Variants in FARP1 observed in about 807,000 individuals in gnomAD.
FARP1 encodes the protein FERM, ARHGEF and pleckstrin domain-containing protein 1.
In FARP1, 52 loss-of-function variants were observed where a neutral mutation model predicts 128.8. The observed-to-expected ratio is 0.40, with a 90% CI of 0.32 to 0.51. The LOEUF is 0.51. Ranked by LOEUF, FARP1 falls within the 20% of genes least tolerant of loss-of-function variation. The probability of loss-of-function intolerance (pLI) is 0.45; values close to 1 mark genes in which losing one functional copy is unlikely to be tolerated. For missense variants in FARP1, 1,333 were observed against 1,367.9 expected (o/e 0.97, Z 0.40); for synonymous variants, 580 against 551.8 (o/e 1.05, Z -0.72).
chr13:98,304,265 C>T (rs553014237), intron 2 of FARP1, among the ~76,000 whole-genome samples: 1 of 152,244 alleles, frequency 6.6e-6, no homozygotes, highest in East Asian at 1.9e-4. Flanking sequence ...GTAGGACTTC[C>T]AGCTGCTTAA....
chr13:98,416,871 G>A (rs1453455387), intron 16 of FARP1, among the ~76,000 whole-genome samples: 2 of 152,166 alleles, frequency 1.3e-5, no homozygotes, highest in Admixed American at 1.3e-4. Context: ...GCAGTCAGTC[G>A]TACAAAGAGG....
chr13:98,166,726 T>TTC (rs201164853), intron 1 of FARP1, among the ~76,000 whole-genome samples: 10 of 117,956 alleles, frequency 8.5e-5, no homozygotes, highest in African/African-American at 3.8e-4. Context: ...TTTTCTTTCT[T>TTC]TTTTTTTTTT....
intron 2 of FARP1, among the ~76,000 whole-genome samples, chr13:98,236,260 G>A (rs1215796356): frequency 6.6e-6 from 1 of 152,116 alleles, no homozygotes; most frequent in Admixed American, 6.6e-5. Flanking sequence ...GTGATTTTGT[G>A]AAGATATGGA....
intron 2 of FARP1, among the ~76,000 whole-genome samples, chr13:98,288,449 A>G (rs1885297656): frequency 6.6e-6 from 1 of 152,194 alleles, no homozygotes; most frequent in Non-Finnish European, 1.5e-5. Flanking sequence ...AGACTTCAGT[A>G]TGAGCCAAAG....
At chr13:98,270,495 A>AT (rs1464517676) in intron 2 of FARP1, among the ~76,000 whole-genome samples, 4 of 152,162 alleles carry the variant, frequency 2.6e-5, no homozygotes, top group Non-Finnish European at 5.9e-5. Context: ...GCCTCAGCGT[A>AT]TCTTCCTTGG....
At chr13:98,370,418 G>C (rs758999636) in intron 5 of FARP1, among the ~76,000 whole-genome samples, 6 of 152,152 alleles carry the variant, frequency 3.9e-5, no homozygotes, top group Non-Finnish European at 8.8e-5. Context: ...GTCACATGGT[G>C]ATGGCAAAGA....
chr13:98,308,579 C>T (rs1389701417), intron 2 of FARP1, among the ~76,000 whole-genome samples: 2 of 152,214 alleles, frequency 1.3e-5, no homozygotes, highest in Non-Finnish European at 2.9e-5. Context: ...TTGCCTGAGA[C>T]ACACTCAATT....
At chr13:98,212,801 T>A (rs1003066118) in intron 1 of FARP1, among the ~76,000 whole-genome samples, 7 of 152,204 alleles carry the variant, frequency 4.6e-5, no homozygotes, top group African/African-American at 1.4e-4. Flanking sequence ...TTTACCTGTT[T>A]ATCTTTAGAA....
intron 3 of FARP1, among the ~76,000 whole-genome samples, chr13:98,350,327 T>C (rs1888362488): frequency 2.0e-5 from 3 of 152,200 alleles, no homozygotes; most frequent in Admixed American, 1.3e-4. Context: ...ATAGATTTAA[T>C]ATTTGTATTG....
chr13:98,293,186 T>A (rs557871464), intron 2 of FARP1, among the ~76,000 whole-genome samples: 9 of 152,276 alleles, frequency 5.9e-5, no homozygotes, highest in African/African-American at 1.9e-4. Context: ...ATGGAATCAA[T>A]TGTTTTCTCT....
intron 1 of FARP1, among the ~76,000 whole-genome samples, chr13:98,175,381 C>A (rs1877930113): frequency 6.6e-6 from 1 of 152,116 alleles, no homozygotes; most frequent in African/African-American, 2.4e-5. Flanking sequence ...GGATATTCTT[C>A]TGTCAACTCC....
At chr13:98,178,031 G>A (rs1878223870) in intron 1 of FARP1, 1 of 151,956 alleles carries the variant, frequency 6.6e-6, no homozygotes, top group Non-Finnish European at 1.5e-5. Context: ...ATATCACACT[G>A]CACCTGTGGG....
At chr13:98,442,178 C>T (rs752863706) in intron 24 of FARP1, among the ~76,000 whole-genome samples, 14 of 152,216 alleles carry the variant, frequency 9.2e-5, no homozygotes, top group Non-Finnish European at 1.6e-4. Flanking sequence ...CCCTTCCAAA[C>T]GCAGAAAGGG....
rs185904224 is a variant in FARP1 at position 98,162,106 on chromosome 13, C to G, written c.-24+18614C>G. 3.9e-4 allele frequency among the ~76,000 whole-genome samples: 60 copies of G among 152,250 alleles called. 1 individual carries two copies. The East Asian group carries it at 0.01, about 25-fold the overall frequency. On this transcript the variant is annotated intron_variant, in intron 1 of 26. Coordinates refer to ENST00000319562, the MANE Select transcript of FARP1 (RefSeq NM_005766.4). ...CCTGTCTCTTTCTTTTATCATTTGA[C>G]TTTTTTCTCACTGGCACTTGGAGGA...
intron 2 of FARP1, among the ~76,000 whole-genome samples, chr13:98,259,272 A>G (rs2139527964): frequency 6.6e-6 from 1 of 150,486 alleles, no homozygotes. Context: ...TATAGAGTAT[A>G]TGTATATAGA....
At chr13:98,317,372 G>C (rs1202422656) in intron 2 of FARP1, among the ~76,000 whole-genome samples, 1 of 152,218 alleles carries the variant, frequency 6.6e-6, no homozygotes, top group African/African-American at 2.4e-5. Context: ...GGATCCGCCT[G>C]CCTCAGCTTC....
rs1396116529 is a variant in FARP1 at position 98,384,770 on chromosome 13, C to T, written c.537C>T (p.His179=). The T allele has an allele frequency of 1.5e-5, 25 of 1,613,696 alleles. No individual in the cohort carries two copies. The Admixed American group carries it at 3.7e-4, about 24-fold the overall frequency. Reference sequence around the variant, plus strand: ...TTGATGAAGCCTTGGACAGAGAGCACTTAGCAAAAAATAAATACATACCTC... The same window carrying T: ...TTGATGAAGCCTTGGACAGAGAGCATTTAGCAAAAAATAAATACATACCTC... ...GDFDEALDRE[H]LAKNKYIPQQ... The change falls in exon 7 of 27, where the codon CAC becomes CAT. Residue 179 remains histidine, a synonymous_variant. Coordinates refer to ENST00000319562, the MANE Select transcript of FARP1 (RefSeq NM_005766.4).
intron 2 of FARP1, among the ~76,000 whole-genome samples, chr13:98,243,713 A>C (rs1002939819): frequency 7.9e-5 from 12 of 151,646 alleles, no homozygotes; most frequent in Non-Finnish European, 1.5e-4. Context: ...AAAAAAAAAA[A>C]AAAAATCTGT....
intron 1 of FARP1, among the ~76,000 whole-genome samples, chr13:98,172,074 G>A (rs1380745633): frequency 1.3e-5 from 2 of 152,108 alleles, no homozygotes; most frequent in South Asian, 2.1e-4. Context: ...AGATGTCACC[G>A]ATAATGCAGG....
Sources: allele counts gnomAD v4.1 joint callset (sites outside exome capture counted in the v4.1 genomes callset), GRCh38; gene constraint gnomAD v4.1.1; transcripts MANE v1.5; gene names NCBI Gene and HGNC (gene_info 2026-07-23, HGNC 2026-07-21).